Variants in MEI4 observed in about 807,000 individuals in gnomAD.
MEI4 encodes the protein meiosis-specific protein MEI4.
MEI4 carries 27 observed loss-of-function variants against 31.4 expected under a neutral mutation model. The ratio of observed to expected loss-of-function variants is 0.86; its 90% confidence interval spans 0.63 to 1.19. The LOEUF (loss-of-function observed/expected upper bound fraction) is 1.19, where lower values mean the gene tolerates loss of function less well. Among genes scored for constraint, MEI4 ranks in the 50% most tolerant of loss-of-function variants. The probability of loss-of-function intolerance (pLI) is 0.00; values close to 1 mark genes in which losing one functional copy is unlikely to be tolerated. For synonymous variants in MEI4, 122 were observed against 145.4 expected (o/e 0.84, Z 1.16); for missense variants, 329 against 398.9 (o/e 0.82, Z 1.49).
At chr6:77,679,527 A>G (rs997192525) in intron 1 of MEI4, among the ~76,000 whole-genome samples, 1 of 54,226 alleles carries the variant, frequency 1.8e-5, no homozygotes, top group Non-Finnish European at 3.6e-5. Flanking sequence ...GAAATTGCCT[A>G]AGGATGGATT....
intron 2 of MEI4, among the ~76,000 whole-genome samples, chr6:77,710,708 C>G (rs1230687641): frequency 2.0e-5 from 3 of 152,130 alleles, no homozygotes; most frequent in Non-Finnish European, 4.4e-5. Flanking sequence ...CTCTGCATTA[C>G]AATCATTTGG....
chr6:77,699,019 C>T (rs1170475157), intron 2 of MEI4, among the ~76,000 whole-genome samples: 2 of 151,974 alleles, frequency 1.3e-5, no homozygotes, highest in East Asian at 3.9e-4. Context: ...TCATTCATTT[C>T]GTCTTCCATC....
At chr6:77,671,244 G>T (rs1768735163) in intron 1 of MEI4, among the ~76,000 whole-genome samples, 1 of 151,926 alleles carries the variant, frequency 6.6e-6, no homozygotes, top group Non-Finnish European at 1.5e-5. Context: ...TACTTTAGTA[G>T]AGATGGGGTT....
intron 4 of MEI4, among the ~76,000 whole-genome samples, chr6:77,912,295 C>T (rs998008432): frequency 2.6e-5 from 4 of 151,934 alleles, no homozygotes; most frequent in Non-Finnish European, 5.9e-5. Flanking sequence ...CTCGGGATTG[C>T]TTTGGATATT....
chr6:77,682,759 G>A (rs1010102811), intron 1 of MEI4, among the ~76,000 whole-genome samples: 2 of 152,090 alleles, frequency 1.3e-5, no homozygotes, highest in Admixed American at 6.6e-5. Flanking sequence ...GGGGATAGTC[G>A]CTTGCTGCTT....
At chr6:77,853,156 C>T (rs1351941829) in intron 4 of MEI4, among the ~76,000 whole-genome samples, 1 of 152,138 alleles carries the variant, frequency 6.6e-6, no homozygotes, top group African/African-American at 2.4e-5. Flanking sequence ...CGAGATTGCC[C>T]TATTGCACTC....
chr6:77,751,123 T>C (rs935585715), intron 2 of MEI4, among the ~76,000 whole-genome samples: 1 of 151,980 alleles, frequency 6.6e-6, no homozygotes, highest in African/African-American at 2.4e-5. Flanking sequence ...AAACAGTGTG[T>C]AGAGAGAAAT....
intron 4 of MEI4, among the ~76,000 whole-genome samples, chr6:77,869,317 A>G (rs897155844): frequency 1.3e-5 from 2 of 152,174 alleles, no homozygotes; most frequent in African/African-American, 2.4e-5. Context: ...TCACATATTC[A>G]TATGTCGAAG....
At chr6:77,729,861 T>C (rs1174651929) in intron 2 of MEI4, among the ~76,000 whole-genome samples, 1 of 152,176 alleles carries the variant, frequency 6.6e-6, no homozygotes, top group Non-Finnish European at 1.5e-5. Flanking sequence ...AAGGTATCAG[T>C]GCATCTGATT....
chr6:77,792,024 G>A (rs1768951127), intron 3 of MEI4, among the ~76,000 whole-genome samples: 1 of 152,110 alleles, frequency 6.6e-6, no homozygotes, highest in Admixed American at 6.6e-5. Context: ...GCTTTCTAAT[G>A]TAAGAGAGAT....
chr6:77,908,243 T>C, intron 4 of MEI4, among the ~76,000 whole-genome samples: 1 of 152,186 alleles, frequency 6.6e-6, no homozygotes, highest in Admixed American at 6.5e-5. Flanking sequence ...TACTGAATGG[T>C]ATTGCCTAGG....
chr6:77,921,372 C>G (rs1766698543), intron 4 of MEI4, among the ~76,000 whole-genome samples: 3 of 151,724 alleles, frequency 2.0e-5, no homozygotes. Context: ...AAGAGTTAGG[C>G]CTTTTCTCTG....
intron 3 of MEI4, among the ~76,000 whole-genome samples, chr6:77,781,470 G>A (rs1277778877): frequency 1.3e-5 from 2 of 152,102 alleles, no homozygotes; most frequent in Non-Finnish European, 2.9e-5. Flanking sequence ...TTACCTGGGA[G>A]TTTATTAGAA....
intron 2 of MEI4, among the ~76,000 whole-genome samples, chr6:77,698,334 C>T (rs926542140): frequency 2.0e-5 from 3 of 152,108 alleles, no homozygotes; most frequent in African/African-American, 4.8e-5. Context: ...TTATTTTGCT[C>T]GTTAGTTGAT....
chr6:77,800,753 G>A (rs1273709459), intron 3 of MEI4, among the ~76,000 whole-genome samples: 2 of 152,146 alleles, frequency 1.3e-5, no homozygotes, highest in Non-Finnish European at 2.9e-5. Flanking sequence ...AGATAATCAT[G>A]TGGTTTTTTT....
chr6:77,872,082 A>G (rs1771208216), intron 4 of MEI4, among the ~76,000 whole-genome samples: 1 of 152,194 alleles, frequency 6.6e-6, no homozygotes, highest in Admixed American at 6.5e-5. Flanking sequence ...GGAAACAGGA[A>G]AAACATGGTA....
At chr6:77,830,591 C>A (rs1770054750) in intron 4 of MEI4, among the ~76,000 whole-genome samples, 1 of 151,960 alleles carries the variant, frequency 6.6e-6, no homozygotes, top group Non-Finnish European at 1.5e-5. Flanking sequence ...TAACTAGTGT[C>A]AGGCAGGTTT....
chr6:77,683,291 TAAA>T lies in MEI4; in HGVS notation c.-14-7364_-14-7362del, dbSNP rs1768991594. ...CCAGCTTTATTAAGGTATCAACAAA[TAAA>T]AATTTTATAAATTTAAAGTATACAA... On this transcript the variant is annotated intron_variant, in intron 1 of 4. Transcript: ENST00000684080. Among the ~76,000 whole-genome samples, 4 of 152,268 alleles carry T rather than the reference TAAA, an allele frequency of 2.6e-5. No individual in the cohort carries two copies. In the South Asian group the frequency reaches 8.3e-4, roughly 32 times the overall value.
At chr6:77,700,205 G>A (rs113014990) in intron 2 of MEI4, among the ~76,000 whole-genome samples, 1 of 152,170 alleles carries the variant, frequency 6.6e-6, no homozygotes, top group African/African-American at 2.4e-5. Flanking sequence ...GGAGCCTACC[G>A]GGGCAGGCAG....
Sources: gnomAD v4.1 joint callset for allele counts (sites outside exome capture counted in the v4.1 genomes callset) on GRCh38, gnomAD v4.1.1 for gene constraint, MANE v1.5 for transcripts, NCBI Gene and HGNC (gene_info 2026-07-23, HGNC 2026-07-21) for gene names.